Variants in PLPP2 observed in about 807,000 individuals in gnomAD.
PLPP2 encodes the protein PAP2-gamma.
PLPP2 carries 29 observed loss-of-function variants against 35.2 expected under a neutral mutation model. That is an observed-to-expected ratio of 0.82 (90% CI 0.61 to 1.12). The LOEUF is 1.12. PLPP2 is among the 50% of genes most tolerant of loss of function. PLPP2 has a pLI of 0.00. For synonymous variants in PLPP2, 162 were observed against 167.0 expected (o/e 0.97, Z 0.23); for missense variants, 353 against 375.2 (o/e 0.94, Z 0.49).
intron 5 of PLPP2, 67 bp from the exon 6 acceptor site, chr19:281,604 C>T (rs955704016): frequency 3.0e-6 from 4 of 1,350,084 alleles, no homozygotes; most frequent in Non-Finnish European, 3.9e-6. Context: ...TGGGCATGAG[C>T]AGGAGGGGGA....
In PLPP2 at chr19:287,649, G is replaced by A. The variant is rs1970296513; in HGVS notation, c.307C>T (p.Leu103=). The A allele has an allele frequency of 6.2e-7, 1 of 1,613,950 alleles. No individual in the cohort carries two copies. The change falls in exon 3 of 6, where the codon CTG becomes TTG. Residue 103 remains leucine (L), a synonymous_variant. Coordinates refer to ENST00000434325, the MANE Select transcript of PLPP2 (RefSeq NM_003712.4). This position sits in a 1 kb window ranked among gnomAD's most constrained non-coding sequence, Gnocchi z 4.3. ...GACTGGCTCACGGCAGCCCCAAACA[G>A]GAAGGTCCCCAGCACCTTGTATACA... ...AAVYKVLGTF[L]FGAAVSQSLT...
At chr19:282,636 A>G in intron 4 of PLPP2, 116 bp downstream of exon 4, 2 of 1,114,972 alleles carry the variant, frequency 1.8e-6, no homozygotes, top group Non-Finnish European at 2.6e-6. Flanking sequence ...CAAATCAGTT[A>G]GCCCCCCTCA....
chr19:288,201 G>T (rs746696978), intron 1 of PLPP2, 30 bp from the exon 2 acceptor site: 29 of 1,547,890 alleles, frequency 1.9e-5, no homozygotes, highest in Non-Finnish European at 2.5e-5. Context: ...TGGGAGCTGT[G>T]AGGTTCTCTC....
rs1009927176 is a variant in PLPP2 at position 287,801 on chromosome 19, C to T, written c.205-50G>A. 2.5e-5 allele frequency: 40 copies of T among 1,603,600 alleles called. No individual in the cohort carries two copies. The highest frequency in any genetic ancestry group is 3.2e-5 in the Non-Finnish European group (38 of 1,173,976). The stretch of plus-strand genomic sequence containing the variant: ...GTGGGGGTCTCGGTCGGCCCAGGGG[C>T]CCTCACTCCTCCGCACGGGCCTCCC... On this transcript the variant is annotated intron_variant, in intron 2 of 5. Transcript: ENST00000434325. The surrounding 1 kb of genome is among the most constrained non-coding windows in gnomAD (Gnocchi z 4.3).
Position 287,521 on chromosome 19 carries a change from C to G in PLPP2, c.435G>C (p.Gln145His). The G allele has an allele frequency of 6.2e-7, 1 of 1,613,652 alleles. No individual in the cohort carries two copies. The highest frequency in any genetic ancestry group is 8.5e-7 in the Non-Finnish European group (1 of 1,179,970). Residue 145 changes from glutamine (Q) to histidine (H), a missense_variant, in exon 3 of 6, where the codon CAG becomes CAC. By Grantham distance (24) the Gln-to-His change is conservative. Coordinates refer to ENST00000434325, the MANE Select transcript of PLPP2 (RefSeq NM_003712.4). This position sits in a 1 kb window ranked among gnomAD's most constrained non-coding sequence, Gnocchi z 4.3. ...WSRVNCSVYV[Q>H]LEKVCRGNPA... ...GGTTTCCCCTGCACACCTTCTCCAG[C>G]TGCACATAGACCGAGCAGTTGACCC...
At chr19:290,996 T>A (rs904912008) in intron 1 of PLPP2, 2 of 1,268,630 alleles carry the variant, frequency 1.6e-6, no homozygotes, top group Admixed American at 8.4e-5. Flanking sequence ...GCGCGGCCCC[T>A]CCGCACAGAC....
At chr19:288,854 G>C (rs1392187410) in intron 1 of PLPP2, among the ~76,000 whole-genome samples, 1 of 152,200 alleles carries the variant, frequency 6.6e-6, no homozygotes, top group Non-Finnish European at 1.5e-5. Flanking sequence ...CCTGCTCAGG[G>C]CCTGGCCAGG....
chr19:282,631 CAGTT>C (rs767734644), intron 4 of PLPP2, 117 bp downstream of exon 4: 17 of 1,081,836 alleles, frequency 1.6e-5, no homozygotes, highest in Middle Eastern at 2.0e-4. Context: ...ATAAACAAAT[CAGTT>C]AGCCCCCCTC....
At chr19:291,010 C>G (rs1037772485) in intron 1 of PLPP2, 4 of 1,279,462 alleles carry the variant, frequency 3.1e-6, no homozygotes, top group Non-Finnish European at 3.9e-6. Context: ...CACAGACTTC[C>G]TGCTGCCGGG....
Position 287,881 on chromosome 19 carries a change from C to T in PLPP2, c.205-130G>A, listed in dbSNP as rs951442455. ...AGGGGGCCCTATTACCCACAGGTAC[C>T]ACTCAGGGCAAGGCTGTGTCCCCCG... is the stretch of plus-strand genomic sequence containing the variant. On this transcript the variant is annotated intron_variant, in intron 2 of 5. Transcript: ENST00000434325. The surrounding 1 kb of genome is among the most constrained non-coding windows in gnomAD (Gnocchi z 4.3). 1.3e-6 allele frequency: 2 copies of T among 1,505,374 alleles called. No homozygotes were observed. The highest frequency in any genetic ancestry group is 1.4e-5 in the African/African-American group (1 of 72,334). The allele number at this position is 1,505,374 out of a possible 1,614,324, so 93.3% of individuals were successfully genotyped here.
chr19:286,726 C>G (rs1378610422), intron 3 of PLPP2: 1 of 151,964 alleles, frequency 6.6e-6, no homozygotes, highest in Admixed American at 6.6e-5. Flanking sequence ...CTTTAGGAGG[C>G]CAAAGTGGGC....
Position 281,551 on chromosome 19 carries a change from G to C in PLPP2, c.718-14C>G. On this transcript the variant is annotated splice_polypyrimidine_tract_variant and intron_variant, in intron 5 of 5. Transcript: ENST00000434325. ...GATGTAGCAGACCTGGTAGAGCAGAGGGTGGTGAGAATGGGCAGGGGGCTG... is the reference window on the plus strand; with the variant it reads ...GATGTAGCAGACCTGGTAGAGCAGACGGTGGTGAGAATGGGCAGGGGGCTG... 6.8e-7 allele frequency: 1 copy of C among 1,465,340 alleles called. No individual in the cohort carries two copies. The highest frequency in any genetic ancestry group is 9.1e-7 in the Non-Finnish European group (1 of 1,102,048). 90.8% of individuals were successfully genotyped at this position (1,465,340 alleles called of 1,614,324 possible).
intron 4 of PLPP2, 119 bp downstream of exon 4, chr19:282,633 G>C: frequency 9.0e-7 from 1 of 1,106,018 alleles, no homozygotes; most frequent in East Asian, 2.5e-5. Flanking sequence ...AAACAAATCA[G>C]TTAGCCCCCC....
intron 4 of PLPP2, 59 bp downstream of exon 4, chr19:282,693 G>A: frequency 6.5e-7 from 1 of 1,533,362 alleles, no homozygotes; most frequent in Non-Finnish European, 9.0e-7. Context: ...GAGGTCCAGG[G>A]AAGGGAGTGA....
chr19:287,396 G>A lies in PLPP2; in HGVS notation c.482+78C>T, dbSNP rs1349509565. 6.5e-7 allele frequency: 1 copy of A among 1,529,296 alleles called. No individual in the cohort carries two copies. The highest frequency in any genetic ancestry group is 8.8e-7 in the Non-Finnish European group (1 of 1,136,466). 94.7% of individuals were successfully genotyped at this position (1,529,296 alleles called of 1,614,324 possible). On this transcript the variant is annotated intron_variant, in intron 3 of 5. Transcript: ENST00000434325. The surrounding 1 kb of genome is among the most constrained non-coding windows in gnomAD (Gnocchi z 4.3). Reference sequence around the variant, plus strand: ...ACGCCTGTAGTCTCAGCTGCCTGCTGGCTCTTCATGATTTGGCTCCAGGGC... The same window carrying A: ...ACGCCTGTAGTCTCAGCTGCCTGCTAGCTCTTCATGATTTGGCTCCAGGGC...
intron 3 of PLPP2, chr19:283,139 G>A (rs555680331): frequency 1.9e-5 from 5 of 262,042 alleles, no homozygotes; most frequent in African/African-American, 4.4e-5. Context: ...TCCCATCTGC[G>A]GAACTGAGGG....
At chr19:291,244 C>T (rs1310531555) in intron 1 of PLPP2, 41 bp downstream of exon 1, 7 of 1,598,134 alleles carry the variant, frequency 4.4e-6, no homozygotes, top group Middle Eastern at 1.7e-4. Context: ...GTGTCCGTCC[C>T]GGGAGGGTCC....
rs1193952560 is a variant in PLPP2, at chr19:287,364, G to A, written c.482+110C>T. ...CTTATACAAAAATTAGCCGGGCGTGGTGGCGCACGCCTGTAGTCTCAGCTG... is the reference window on the plus strand; with the variant it reads ...CTTATACAAAAATTAGCCGGGCGTGATGGCGCACGCCTGTAGTCTCAGCTG... On this transcript the variant is annotated intron_variant, in intron 3 of 5. Transcript: ENST00000434325. This position sits in a 1 kb window ranked among gnomAD's most constrained non-coding sequence, Gnocchi z 4.3. The A allele has an allele frequency of 1.5e-6, 2 of 1,373,172 alleles. No homozygotes were observed. The allele number at this position is 1,373,172 out of a possible 1,614,324, so 85.1% of individuals were successfully genotyped here.
Position 287,701 on chromosome 19 carries a change from G to A in PLPP2, c.255C>T (p.Arg85=). The A allele has an allele frequency of 8.7e-6, 14 of 1,613,912 alleles. No homozygotes were observed. The highest frequency in any genetic ancestry group is 1.1e-5 in the Non-Finnish European group (13 of 1,180,032). The change falls in exon 3 of 6, where the codon CGC becomes CGT. Residue 85 remains arginine, a synonymous_variant. Transcript: ENST00000434325. This position sits in a 1 kb window ranked among gnomAD's most constrained non-coding sequence, Gnocchi z 4.3. ...YLVYTDRLYS[R]SDFNNYVAAV... is the part of the protein sequence containing the mutation. ...CAGCCACGTAGTTGTTGAAGTCCGA[G>A]CGAGAATAGAGCCGGTCTGTGTACA...
Sources: allele counts gnomAD v4.1 joint callset (sites outside exome capture counted in the v4.1 genomes callset), GRCh38; gene constraint gnomAD v4.1.1; non-coding constraint Gnocchi (gnomAD v3.1); transcripts MANE v1.5; gene names NCBI Gene and HGNC (gene_info 2026-07-23, HGNC 2026-07-21).